The following GOLPH3L variants were observed in gnomAD, a reference collection of about 807,000 sequenced individuals.
GOLPH3L encodes the protein golgi phosphoprotein 3 like.
A neutral mutation model predicts 30.3 loss-of-function variants in GOLPH3L; 22 were observed. The observed-to-expected ratio is 0.73, with a 90% confidence interval of 0.52 to 1.04. The LOEUF is 1.04. Ranked by LOEUF, GOLPH3L falls within the 50% of genes least tolerant of loss-of-function variation. The pLI is 0.00. For synonymous variants in GOLPH3L, 120 were observed against 128.2 expected (o/e 0.94, Z 0.43); for missense variants, 303 against 345.8 (o/e 0.88, Z 0.98).
At chr1:150,684,137 G>A (rs142383212) in intron 2 of GOLPH3L, among the ~76,000 whole-genome samples, 2 of 152,282 alleles carry the variant, frequency 1.3e-5, no homozygotes, top group East Asian at 3.9e-4. Flanking sequence ...GAAGTCTGCA[G>A]GGCAAGGTGA....
chr1:150,670,877 CATT>C, intron 2 of GOLPH3L, among the ~76,000 whole-genome samples: 1 of 152,280 alleles, frequency 6.6e-6, no homozygotes, highest in Non-Finnish European at 1.5e-5. Context: ...ATTTTACATG[CATT>C]ATAATTTTAT....
chr1:150,661,646 A>G (rs979363040), intron 4 of GOLPH3L, among the ~76,000 whole-genome samples, 168 bp downstream of exon 4: 6 of 152,158 alleles, frequency 3.9e-5, no homozygotes, highest in Non-Finnish European at 7.3e-5. Flanking sequence ...GCTTTGGAAA[A>G]CTTTAGGTAT....
At chr1:150,661,748 C>T in intron 4 of GOLPH3L, 66 bp downstream of exon 4, 1 of 806,896 alleles carries the variant, frequency 1.2e-6, no homozygotes, top group South Asian at 1.4e-5. Context: ...ACATCTTTTA[C>T]TAAATTTCAG....
chr1:150,653,769 T>G (rs1180121868), intron 4 of GOLPH3L, among the ~76,000 whole-genome samples: 4 of 142,070 alleles, frequency 2.8e-5, no homozygotes, highest in Non-Finnish European at 4.6e-5. Context: ...CTATCTTTTG[T>G]TTTTTTTTTT....
At chr1:150,657,576 C>T (rs1650268602) in intron 4 of GOLPH3L, among the ~76,000 whole-genome samples, 1 of 152,198 alleles carries the variant, frequency 6.6e-6, no homozygotes, top group Admixed American at 6.5e-5. Context: ...GGCTACATGC[C>T]AAATCAGGAG....
chr1:150,648,162 G>A lies in GOLPH3L; in HGVS notation c.*159C>T. On this transcript the variant is annotated 3_prime_UTR_variant, in exon 5 of 5. Transcript: ENST00000271732. ...ATAAGGTCTGCTTATAATGGTCAAG[G>A]TCTATGGAGAAGCCCTGAAGTTGCT... 3 of 597,222 alleles carry A rather than the reference G, an allele frequency of 5.0e-6. No homozygotes were observed. Among genetic ancestry groups the A allele is most frequent in the Non-Finnish European group, 8.9e-6 (3 of 337,152 alleles). The allele number at this position is 597,222 out of a possible 1,614,324, so 37.0% of individuals were successfully genotyped here. A position where few individuals can be genotyped will look rare whatever the true frequency, so the allele number is the denominator to read the frequency against.
rs1421067245 is a variant in GOLPH3L, at chr1:150,661,920, T to C, written c.324A>G (p.Leu108=). 5 of 1,480,462 alleles carry C rather than the reference T, an allele frequency of 3.4e-6. No individual in the cohort carries two copies. Among genetic ancestry groups the C allele is most frequent in the South Asian group, 1.1e-5 (1 of 88,448 alleles). 91.7% of individuals were successfully genotyped at this position (1,480,462 alleles called of 1,614,324 possible). A position where few individuals can be genotyped will look rare whatever the true frequency, so the allele number is the denominator to read the frequency against. ...KKRLLDRKVL[L]KSDSPTGDVL... The stretch of plus-strand genomic sequence containing the variant: ...CATCACCTGTTGGGCTGTCTGACTT[T>C]AGCAGTACCTTTGAGAAAAGGAGAA... The change falls in exon 4 of 5, where the codon CTA becomes CTG. Residue 108 remains leucine, a synonymous_variant. Transcript: ENST00000271732.
At chr1:150,684,336 T>C (rs1651034586) in intron 2 of GOLPH3L, among the ~76,000 whole-genome samples, 1 of 152,210 alleles carries the variant, frequency 6.6e-6, no homozygotes, top group Non-Finnish European at 1.5e-5. Context: ...CATTTAGTCT[T>C]AAGCTTTTTT....
chr1:150,665,519 T>G (rs1166830010), intron 2 of GOLPH3L, among the ~76,000 whole-genome samples: 1 of 152,174 alleles, frequency 6.6e-6, no homozygotes, highest in Admixed American at 6.5e-5. Context: ...AATTTTTTAA[T>G]TCAATTTTCC....
intron 4 of GOLPH3L, among the ~76,000 whole-genome samples, chr1:150,658,479 A>G (rs903878962): frequency 6.6e-6 from 1 of 152,202 alleles, no homozygotes; most frequent in African/African-American, 2.4e-5. Flanking sequence ...AGTATTTACC[A>G]TAATAAATCT....
At chr1:150,677,098 T>C (rs1650823047) in intron 2 of GOLPH3L, among the ~76,000 whole-genome samples, 1 of 150,228 alleles carries the variant, frequency 6.7e-6, no homozygotes, top group Non-Finnish European at 1.5e-5. Context: ...TGAGATGGAG[T>C]CTCACTCTGT....
chr1:150,683,899 ATTG>A (rs1651024292), intron 2 of GOLPH3L, among the ~76,000 whole-genome samples: 1 of 152,024 alleles, frequency 6.6e-6, no homozygotes, highest in African/African-American at 2.4e-5. Context: ...TTTCTAAATC[ATTG>A]TTATGAGCTG....
chr1:150,663,834 A>C, intron 2 of GOLPH3L, 71 bp from the exon 3 acceptor site: 1 of 1,309,354 alleles, frequency 7.6e-7, no homozygotes, highest in Non-Finnish European at 1.1e-6. Flanking sequence ...GCACCCTAAG[A>C]ACAGGCCGCT....
In GOLPH3L at chr1:150,648,064, G is replaced by A. The variant is rs587684881; in HGVS notation, c.*257C>T. ...ACTGGGTGAAACTAAACCACCAAAT[G>A]GGAGAAAATGTTCATTGGGTGTGTG... On this transcript the variant is annotated 3_prime_UTR_variant, in exon 5 of 5. Coordinates refer to ENST00000271732, the MANE Select transcript of GOLPH3L (RefSeq NM_018178.6). 1 of 383,704 alleles carries A rather than the reference G, an allele frequency of 2.6e-6. No individual in the cohort carries two copies. The highest frequency in any genetic ancestry group is 9.4e-5 in the South Asian group (1 of 10,614). 23.8% of individuals were successfully genotyped at this position (383,704 alleles called of 1,614,324 possible).
intron 2 of GOLPH3L, among the ~76,000 whole-genome samples, chr1:150,679,334 T>TA (rs1650892060): frequency 6.6e-6 from 1 of 152,156 alleles, no homozygotes. Context: ...CTCACTATTC[T>TA]ACTAGGCAAA....
chr1:150,672,992 TTC>T (rs1422927421), intron 2 of GOLPH3L, among the ~76,000 whole-genome samples: 1 of 152,010 alleles, frequency 6.6e-6, no homozygotes, highest in African/African-American at 2.4e-5. Context: ...TTTGCAGGGC[TTC>T]TGTTTTTTTT....
chr1:150,667,735 G>A (rs916478483), intron 2 of GOLPH3L, among the ~76,000 whole-genome samples: 5 of 151,876 alleles, frequency 3.3e-5, no homozygotes, highest in African/African-American at 9.7e-5. Context: ...TGGGACTACA[G>A]GCGCCCGCCA....
rs587759535 is a variant in GOLPH3L at position 150,654,778 on chromosome 1, T to C, written c.431-6030A>G. On this transcript the variant is annotated intron_variant, in intron 4 of 4. Transcript: ENST00000271732. ...AGCAGGTAGTGCCGCAGTAGATTTATGCTGCACAAAAGCTGTGAGCCTTCT... is the reference window on the plus strand; with the variant it reads ...AGCAGGTAGTGCCGCAGTAGATTTACGCTGCACAAAAGCTGTGAGCCTTCT... 1.2e-4 allele frequency among the ~76,000 whole-genome samples: 19 copies of C among 152,350 alleles called. No homozygotes were observed. The South Asian group carries it at 2.9e-3, about 23-fold the overall frequency.
chr1:150,656,006 T>A (rs992280218), intron 4 of GOLPH3L, among the ~76,000 whole-genome samples: 11 of 152,246 alleles, frequency 7.2e-5, no homozygotes, highest in Non-Finnish European at 1.6e-4. Flanking sequence ...GCGTTTTCAC[T>A]GGAAAGTGTT....
Sources: allele counts gnomAD v4.1 joint callset (sites outside exome capture counted in the v4.1 genomes callset), GRCh38; gene constraint gnomAD v4.1.1; transcripts MANE v1.5; gene names NCBI Gene and HGNC (gene_info 2026-07-23, HGNC 2026-07-21).